Variants in CHSY3 observed in about 807,000 individuals in gnomAD.
CHSY3 encodes chondroitin sulfate synthase 3.
CHSY3 carries 35 observed loss-of-function variants against 67.2 expected under a neutral mutation model. The observed-to-expected ratio is 0.52, with a 90% CI of 0.40 to 0.69. CHSY3 has a LOEUF of 0.69. CHSY3 is among the 30% of genes least tolerant of loss of function. The pLI, the probability that CHSY3 is intolerant of heterozygous loss-of-function variation, is 0.00. For missense variants in CHSY3, 1,069 were observed against 1,138.5 expected (o/e 0.94, Z 0.88); for synonymous variants, 474 against 434.7 (o/e 1.09, Z -1.12).
intron 2 of CHSY3, among the ~76,000 whole-genome samples, chr5:130,000,076 T>C (rs1763675080): frequency 6.6e-6 from 1 of 152,190 alleles, no homozygotes; most frequent in Admixed American, 6.6e-5. Context: ...AAAAGTATTT[T>C]TTATGAGGAG....
At chr5:130,159,309 C>T (rs891482518) in intron 2 of CHSY3, among the ~76,000 whole-genome samples, 5 of 151,714 alleles carry the variant, frequency 3.3e-5, no homozygotes, top group Non-Finnish European at 7.4e-5. Context: ...GGACTACAGG[C>T]GTGCGCCACC....
chr5:130,020,461 A>ATTTT (rs1196155924), intron 2 of CHSY3, among the ~76,000 whole-genome samples: 55 of 79,814 alleles, frequency 6.9e-4, no homozygotes, highest in Non-Finnish European at 9.4e-4. Flanking sequence ...ATATATATAT[A>ATTTT]TTTTTTTTTT....
chr5:129,931,599 G>GGTGATGTA lies in CHSY3; in HGVS notation c.1086+23239_1086+23240insGTGATGTA, dbSNP rs1561460805. Among the ~76,000 whole-genome samples, 18 of 152,200 alleles carry GGTGATGTA rather than the reference G, an allele frequency of 1.2e-4. 1 individual carries two copies. Among genetic ancestry groups the GGTGATGTA allele is most frequent in the African/African-American group, 4.3e-4 (18 of 41,520 alleles). ...TTTTGCTTTTCAATTTTCCAGATGT[G>GGTGATGTA]TAGGTGATGTATAGGTGATGTATAG... On this transcript the variant is annotated intron_variant, in intron 2 of 2. Coordinates refer to ENST00000305031, the MANE Select transcript of CHSY3 (RefSeq NM_175856.5).
intron 2 of CHSY3, among the ~76,000 whole-genome samples, chr5:130,076,670 A>G (rs994144769): frequency 2.0e-5 from 3 of 151,986 alleles, no homozygotes; most frequent in African/African-American, 4.8e-5. Context: ...TTTTCTTGAA[A>G]TTTTCTCTTA....
At chr5:130,018,488 G>T (rs1156366319) in intron 2 of CHSY3, among the ~76,000 whole-genome samples, 2 of 152,106 alleles carry the variant, frequency 1.3e-5, no homozygotes, top group Non-Finnish European at 2.9e-5. Flanking sequence ...CTCTGCTTCT[G>T]TCTCTACCTA....
intron 2 of CHSY3, among the ~76,000 whole-genome samples, chr5:129,951,779 T>C (rs1762030789): frequency 6.6e-6 from 1 of 152,250 alleles, no homozygotes; most frequent in African/African-American, 2.4e-5. Flanking sequence ...TTACATTTTC[T>C]TAAAATATGA....
intron 2 of CHSY3, among the ~76,000 whole-genome samples, chr5:130,181,713 C>T (rs1770249689): frequency 6.6e-6 from 1 of 152,146 alleles, no homozygotes; most frequent in Non-Finnish European, 1.5e-5. Flanking sequence ...CTTCTTGATT[C>T]TTGATCATTA....
chr5:129,909,011 G>T (rs1056131933), intron 2 of CHSY3, among the ~76,000 whole-genome samples: 1 of 151,994 alleles, frequency 6.6e-6, no homozygotes, highest in South Asian at 2.1e-4. Context: ...TTTTTGACAG[G>T]TTCCCTAAAA....
chr5:130,043,402 A>G (rs1195527246), intron 2 of CHSY3, among the ~76,000 whole-genome samples: 1 of 152,096 alleles, frequency 6.6e-6, no homozygotes, highest in African/African-American at 2.4e-5. Context: ...TCAATTAAGG[A>G]ATTAGAGATT....
intron 2 of CHSY3, among the ~76,000 whole-genome samples, chr5:130,108,333 G>T (rs529065101): frequency 3.3e-5 from 5 of 151,348 alleles, no homozygotes; most frequent in Admixed American, 6.6e-5. Flanking sequence ...ATCCTCCTGC[G>T]TTAGTGTTTT....
At chr5:130,160,495 C>A (rs570439013) in intron 2 of CHSY3, among the ~76,000 whole-genome samples, 2 of 152,324 alleles carry the variant, frequency 1.3e-5, no homozygotes, top group East Asian at 3.9e-4. Context: ...CCCATTACTT[C>A]TTTATTTCCT....
chr5:130,025,748 C>T (rs1334454079), intron 2 of CHSY3, among the ~76,000 whole-genome samples: 1 of 152,042 alleles, frequency 6.6e-6, no homozygotes, highest in Non-Finnish European at 1.5e-5. Context: ...GATAAATGTA[C>T]TAACTCCATT....
chr5:130,056,214 T>G lies in CHSY3; in HGVS notation c.1087-128015T>G, dbSNP rs574224617. ...ATGGAGTTGACATTTAAACAAACTT[T>G]CTGACTCAGGTGGTTCAAGAAAAAA... On this transcript the variant is annotated intron_variant, in intron 2 of 2. Coordinates refer to ENST00000305031, the MANE Select transcript of CHSY3 (RefSeq NM_175856.5). Among the ~76,000 whole-genome samples, 6 of 152,152 alleles carry G rather than the reference T, an allele frequency of 3.9e-5. No individual in the cohort carries two copies. In the East Asian group the frequency reaches 1.2e-3, roughly 29 times the overall value.
intron 2 of CHSY3, among the ~76,000 whole-genome samples, chr5:129,920,412 A>G (rs1760881666): frequency 6.6e-6 from 1 of 151,982 alleles, no homozygotes; most frequent in Admixed American, 6.6e-5. Context: ...CATCTGACTA[A>G]TTTTTGTATT....
chr5:130,062,080 A>G (rs1218698255), intron 2 of CHSY3, among the ~76,000 whole-genome samples: 1 of 152,124 alleles, frequency 6.6e-6, no homozygotes, highest in African/African-American at 2.4e-5. Flanking sequence ...ATTCTATCAA[A>G]AAGACCACTG....
In CHSY3 at chr5:130,158,592, C is replaced by T. The variant is rs77285243; in HGVS notation, c.1087-25637C>T. ...GTTTTAAAGTGCCCAATATTATGCT[C>T]TGGACAGCCTTTGATTCTAAGTCAG... On this transcript the variant is annotated intron_variant, in intron 2 of 2. Coordinates refer to ENST00000305031, the MANE Select transcript of CHSY3 (RefSeq NM_175856.5). Among the ~76,000 whole-genome samples the T allele has an allele frequency of 8.2e-3, 1,243 of 152,224 alleles. 3 individuals carry two copies. Among genetic ancestry groups the T allele is most frequent in the Non-Finnish European group, 0.012 (841 of 68,022 alleles).
At position 129,905,318 on chromosome 5, in the gene CHSY3, C is replaced by T. The variant is rs953525174; in HGVS notation, c.489C>T (p.Ala163=). The part of the protein sequence containing the change: ...SHNGSGDGGA[A]APSARPRDFL... ...ACGGCAGCGGGGACGGGGGCGCTGC[C>T]GCCCCGAGCGCCCGACCCCGGGACT... Residue 163 remains alanine, a synonymous_variant, in exon 1 of 3, where the codon GCC becomes GCT. Coordinates refer to ENST00000305031, the MANE Select transcript of CHSY3 (RefSeq NM_175856.5). The T allele has an allele frequency of 1.3e-6, 2 of 1,519,388 alleles. No individual in the cohort carries two copies. The highest frequency in any genetic ancestry group is 8.8e-7 in the Non-Finnish European group (1 of 1,137,750). 94.1% of individuals were successfully genotyped at this position (1,519,388 alleles called of 1,614,324 possible).
In CHSY3 at chr5:130,014,357, C is replaced by T. The variant is rs150114902; in HGVS notation, c.1086+105997C>T. The stretch of plus-strand genomic sequence containing the variant: ...ATTTTCATGCTGCTATGAAGAAATA[C>T]CCAAAAGTGGGTAATTTATAAAGAA... On this transcript the variant is annotated intron_variant, in intron 2 of 2. Coordinates refer to ENST00000305031, the MANE Select transcript of CHSY3 (RefSeq NM_175856.5). 4.1e-4 allele frequency among the ~76,000 whole-genome samples: 62 copies of T among 152,264 alleles called. No homozygotes were observed. The East Asian group carries it at 0.011, about 27-fold the overall frequency.
chr5:130,078,000 C>T (rs922952483), intron 2 of CHSY3, among the ~76,000 whole-genome samples: 1 of 152,020 alleles, frequency 6.6e-6, no homozygotes, highest in Non-Finnish European at 1.5e-5. Flanking sequence ...AGTCACTGTG[C>T]TAAGCAATGC....
Sources: allele counts gnomAD v4.1 joint callset (sites outside exome capture counted in the v4.1 genomes callset), GRCh38; gene constraint gnomAD v4.1.1; transcripts MANE v1.5; gene names NCBI Gene and HGNC (gene_info 2026-07-23, HGNC 2026-07-21).